Variants in PGGHG observed in about 807,000 individuals in gnomAD.
PGGHG encodes the protein protein-glucosylgalactosylhydroxylysine glucosidase, also known as ATH1, acid trehalase-like 1.
In PGGHG, 67 loss-of-function variants were observed where a neutral mutation model predicts 74.5. The observed-to-expected ratio is 0.90, with a 90% CI of 0.74 to 1.10. The LOEUF (loss-of-function observed/expected upper bound fraction) is 1.10. PGGHG is among the 50% of genes least tolerant of loss of function. The probability of loss-of-function intolerance (pLI) is 0.00; values close to 1 mark genes in which losing one functional copy is unlikely to be tolerated. For synonymous variants in PGGHG, 496 were observed against 419.9 expected, an observed-to-expected ratio of 1.18 and a Z score of -2.21; for missense variants, 1,034 against 981.5, an observed-to-expected ratio of 1.05 and a Z score of -0.72.
chr11:289,747 C>T lies in PGGHG; in HGVS notation c.-13-57C>T. ...GAGGCTTCAGGGGATTACAGACGGT[C>T]TCAAGAGGGAGGCCCAGCCAGTCCC... is the stretch of plus-strand genomic sequence containing the variant. On this transcript the variant is annotated intron_variant, in intron 1 of 13. Transcript: ENST00000409548. This position sits in a 1 kb window ranked among gnomAD's most constrained non-coding sequence, Gnocchi z 5.6. 1 of 1,494,804 alleles carries T rather than the reference C, an allele frequency of 6.7e-7. No homozygotes were observed. The highest frequency in any genetic ancestry group is 8.9e-7 in the Non-Finnish European group (1 of 1,119,542). The allele number at this position is 1,494,804 out of a possible 1,614,324, so 92.6% of individuals were successfully genotyped here. A position where few individuals can be genotyped will look rare whatever the true frequency, so the allele number is the denominator to read the frequency against.
At position 294,679 on chromosome 11, in the gene PGGHG, G is replaced by C; in HGVS notation, c.2144G>C (p.Ser715Thr). 1 of 1,613,538 alleles carries C rather than the reference G, an allele frequency of 6.2e-7. No homozygotes were observed. The highest frequency in any genetic ancestry group is 8.5e-7 in the Non-Finnish European group (1 of 1,179,934). ...TFSDVRDPLQSPLWVTLGSSS... is the reference protein window; with the variant it reads ...TFSDVRDPLQTPLWVTLGSSS... The stretch of plus-strand genomic sequence containing the variant: ...TCAGATGTTAGGGACCCGCTCCAGA[G>C]CCCCCTCTGGGTCACCCTGGGTTCC... Residue 715 changes from serine to threonine, a missense_variant, in exon 14 of 14, where the codon AGC becomes ACC. Physicochemically the swap from Ser to Thr is moderately conservative, Grantham distance 58. Transcript: ENST00000409548.
In PGGHG at chr11:294,132, G is replaced by A. The variant is rs752333035; in HGVS notation, c.1744G>A (p.Val582Met). The A allele has an allele frequency of 1.9e-6, 3 of 1,612,522 alleles. No homozygotes were observed. The highest frequency in any genetic ancestry group is 1.7e-5 in the Admixed American group (1 of 59,820). The change falls in exon 12 of 14, where the codon GTG becomes ATG. Residue 582 changes from valine (V) to methionine (M), a missense_variant. By Grantham distance (21) the Val-to-Met change is conservative. Transcript: ENST00000409548. ...WTENADGSGA[V>M]NFLTGMGGFL... ...GGAGAATGCAGACGGGTCAGGCGCT[G>A]TGAACTTCCTGACAGGCATGGGGGG...
rs12801980 is a variant in PGGHG at position 293,188 on chromosome 11, T to C, written c.1296T>C (p.His432=). ...LRGVMSPDEY[H]SGVNNSVYTN... Reference sequence around the variant, plus strand: ...GAGTCATGTCCCCCGACGAGTACCATTCAGGGGTCAACAACTCTGTGTACA... The same window carrying C: ...GAGTCATGTCCCCCGACGAGTACCACTCAGGGGTCAACAACTCTGTGTACA... The change falls in exon 8 of 14, where the codon CAT becomes CAC. Residue 432 remains histidine (H), a synonymous_variant. Transcript: ENST00000409548. 0.36 allele frequency: 585,378 copies of C among 1,613,424 alleles called. 108,474 individuals carry two copies. Among genetic ancestry groups the C allele is most frequent in the South Asian group, 0.5 (45,629 of 91,064 alleles).
At position 292,098 on chromosome 11, in the gene PGGHG, G is replaced by GAGGGGACCTGGGGCACTGGCCCGT. The variant is rs1164537039; in HGVS notation, c.1026+8_1026+31dup. 6.4e-7 allele frequency: 1 copy of GAGGGGACCTGGGGCACTGGCCCGT among 1,552,034 alleles called. No homozygotes were observed. Among genetic ancestry groups the GAGGGGACCTGGGGCACTGGCCCGT allele is most frequent in the Non-Finnish European group, 8.7e-7 (1 of 1,148,308 alleles). On this transcript the variant is annotated splice_donor_region_variant and intron_variant, in intron 5 of 13. Transcript: ENST00000409548. ...ACGCCCAGAACCTGGGCTACCAGGT[G>GAGGGGACCTGGGGCACTGGCCCGT]AGGGGACCTGGGGCACTGGCCCGTA...
intron 4 of PGGHG, 174 bp from the exon 5 acceptor site, chr11:291,802 G>A (rs1173004119): frequency 1.1e-6 from 1 of 949,282 alleles, no homozygotes; most frequent in Non-Finnish European, 1.5e-6. Flanking sequence ...AGGAGCGTCT[G>A]GGCTGGAGAC....
chr11:292,647 G>A lies in PGGHG; in HGVS notation c.1128G>A (p.Leu376=), dbSNP rs765879602. ...QEVHVNGAVV[L]AFELYYHTTQ... Reference sequence around the variant, plus strand: ...TCCACGTCAACGGGGCCGTGGTGTTGGCCTTCGAGCTGTACTACCATACCA... The same window carrying A: ...TCCACGTCAACGGGGCCGTGGTGTTAGCCTTCGAGCTGTACTACCATACCA... Residue 376 remains leucine (L), a synonymous_variant, in exon 6 of 14, where the codon TTG becomes TTA. Transcript: ENST00000409548. The A allele has an allele frequency of 1.9e-6, 3 of 1,613,670 alleles. No homozygotes were observed. Among genetic ancestry groups the A allele is most frequent in the East Asian group, 2.2e-5 (1 of 44,894 alleles).
Position 289,703 on chromosome 11 carries a change from A to G in PGGHG, c.-13-101A>G, listed in dbSNP as rs1303799825. 22 of 1,388,178 alleles carry G rather than the reference A, an allele frequency of 1.6e-5. No homozygotes were observed. In the East Asian group the frequency reaches 3.5e-4, roughly 22 times the overall value. 86.0% of individuals were successfully genotyped at this position (1,388,178 alleles called of 1,614,324 possible). A position where few individuals can be genotyped will look rare whatever the true frequency, so the allele number is the denominator to read the frequency against. Reference sequence around the variant, plus strand: ...TCGGGGCTGCCCAGCTGGTTCCGCAACTCCCCCCAGTTCTGAGGGAGGCTT... The same window carrying G: ...TCGGGGCTGCCCAGCTGGTTCCGCAGCTCCCCCCAGTTCTGAGGGAGGCTT... On this transcript the variant is annotated intron_variant, in intron 1 of 13. Transcript: ENST00000409548. The surrounding 1 kb of genome is among the most constrained non-coding windows in gnomAD (Gnocchi z 5.6).
chr11:293,455 T>C lies in PGGHG; in HGVS notation c.1433T>C (p.Phe478Ser). ...GTGGCTGACAAGATCAAGGTACCCT[T>C]TGACGTGGAGCAGAACTTCCACCCG... The part of the protein sequence containing the change: ...LAVADKIKVP[F>S]DVEQNFHPEF... The change falls in exon 9 of 14, where the codon TTT becomes TCT. Residue 478 changes from phenylalanine (F) to serine (S), a missense_variant. Phe to Ser is a radical substitution (Grantham distance 155). Transcript: ENST00000409548. 2 of 1,612,162 alleles carry C rather than the reference T, an allele frequency of 1.2e-6. No individual in the cohort carries two copies. The highest frequency in any genetic ancestry group is 1.7e-6 in the Non-Finnish European group (2 of 1,179,996).
chr11:292,860 C>T (rs1206723888), intron 6 of PGGHG, 26 bp from the exon 7 acceptor site: 5 of 1,613,546 alleles, frequency 3.1e-6, no homozygotes, highest in South Asian at 1.1e-5. Context: ...GGGGCCCTGG[C>T]CTCTGTGCCT....
chr11:292,626 C>A lies in PGGHG; in HGVS notation c.1107C>A (p.His369Gln). ...PEDIYGVQEV[H>Q]VNGAVVLAFE... ...ACATTTACGGAGTCCAGGAGGTCCA[C>A]GTCAACGGGGCCGTGGTGTTGGCCT... The change falls in exon 6 of 14, where the codon CAC becomes CAA. Residue 369 changes from histidine (H) to glutamine (Q), a missense_variant. His to Gln is a conservative substitution (Grantham distance 24, BLOSUM62 0). Coordinates refer to ENST00000409548, the MANE Select transcript of PGGHG (RefSeq NM_025092.5). 3 of 1,613,752 alleles carry A rather than the reference C, an allele frequency of 1.9e-6. No homozygotes were observed. Among genetic ancestry groups the A allele is most frequent in the Non-Finnish European group, 2.5e-6 (3 of 1,179,998 alleles).
chr11:294,158 C>T lies in PGGHG; in HGVS notation c.1770C>T (p.Gly590=). 6.2e-7 allele frequency: 1 copy of T among 1,612,728 alleles called. No homozygotes were observed. The highest frequency in any genetic ancestry group is 8.5e-7 in the Non-Finnish European group (1 of 1,179,390). ...GAVNFLTGMG[G]FLQAVVFGCT... ...TGAACTTCCTGACAGGCATGGGGGG[C>T]TTCCTGCAGGCGGTGGTCTTCGGGT... Residue 590 remains glycine, a synonymous_variant, in exon 12 of 14, where the codon GGC becomes GGT. Transcript: ENST00000409548.
chr11:292,112 C>A lies in PGGHG; in HGVS notation c.1026+17C>A. On this transcript the variant is annotated intron_variant, in intron 5 of 13. Transcript: ENST00000409548. The stretch of plus-strand genomic sequence containing the variant: ...GGCTACCAGGTGAGGGGACCTGGGG[C>A]ACTGGCCCGTAGGGCCCTGCAGGGC... 1 of 1,541,940 alleles carries A rather than the reference C, an allele frequency of 6.5e-7. No homozygotes were observed. The highest frequency in any genetic ancestry group is 8.7e-7 in the Non-Finnish European group (1 of 1,143,878).
At position 291,901 on chromosome 11, in the gene PGGHG, G is replaced by A. The variant is rs1411161407; in HGVS notation, c.907-75G>A. ...AAGACGCCAGCGATGGAGCTCTGCCGGGGCGGAATGTGGCCAGGAGGGGCG... is the reference window on the plus strand; with the variant it reads ...AAGACGCCAGCGATGGAGCTCTGCCAGGGCGGAATGTGGCCAGGAGGGGCG... On this transcript the variant is annotated intron_variant, in intron 4 of 13. Transcript: ENST00000409548. 3.8e-5 allele frequency: 58 copies of A among 1,512,100 alleles called. No homozygotes were observed. The Admixed American group carries it at 4.9e-4, about 13-fold the overall frequency. The allele number at this position is 1,512,100 out of a possible 1,614,324, so 93.7% of individuals were successfully genotyped here. A position where few individuals can be genotyped will look rare whatever the true frequency, so the allele number is the denominator to read the frequency against.
At chr11:290,234 C>A (rs1213950995) in intron 2 of PGGHG, among the ~76,000 whole-genome samples, 156 bp from the exon 3 acceptor site, 1 of 152,162 alleles carries the variant, frequency 6.6e-6, no homozygotes, top group East Asian at 1.9e-4. Flanking sequence ...CTTCCCTCCA[C>A]CTGGAGGCCT....
At position 292,947 on chromosome 11, in the gene PGGHG, G is replaced by A; in HGVS notation, c.1220G>A (p.Trp407Ter). 6.2e-7 allele frequency: 1 copy of A among 1,614,126 alleles called. No individual in the cohort carries two copies. The highest frequency in any genetic ancestry group is 1.1e-5 in the South Asian group (1 of 91,086). ...WDVVRAVAEFWCSRVEWSPRE... is the reference protein window; with the variant it reads ...WDVVRAVAEF ...GTGGTCAGGGCTGTGGCCGAGTTTTGGTGCAGTCGTGTTGAGTGGAGCCCC... is the reference window on the plus strand; with the variant it reads ...GTGGTCAGGGCTGTGGCCGAGTTTTAGTGCAGTCGTGTTGAGTGGAGCCCC... The change falls in exon 7 of 14, where the codon TGG becomes TAG. Residue 407 changes from tryptophan (W) to a stop codon, truncating the protein, a stop_gained. Coordinates refer to ENST00000409548, the MANE Select transcript of PGGHG (RefSeq NM_025092.5). LOFTEE classifies it high-confidence loss of function.
chr11:292,609 G>A lies in PGGHG; in HGVS notation c.1090G>A (p.Gly364Arg), dbSNP rs746935151. ...AGAGGTTTGCCCTGAGGACATTTAC[G>A]GAGTCCAGGAGGTCCACGTCAACGG... is the stretch of plus-strand genomic sequence containing the variant. Reference protein sequence around the residue: ...GLEVCPEDIYGVQEVHVNGAV... With the variant: ...GLEVCPEDIYRVQEVHVNGAV... Residue 364 changes from glycine (G) to arginine (R), a missense_variant, in exon 6 of 14, where the codon GGA becomes AGA. By Grantham distance (125) the Gly-to-Arg change is moderately radical (BLOSUM62 -2). Coordinates refer to ENST00000409548, the MANE Select transcript of PGGHG (RefSeq NM_025092.5). 73 of 1,613,596 alleles carry A rather than the reference G, an allele frequency of 4.5e-5. No individual in the cohort carries two copies. Among genetic ancestry groups the A allele is most frequent in the Admixed American group, 5.0e-5 (3 of 60,006 alleles).
At position 294,732 on chromosome 11, in the gene PGGHG, G is replaced by T; in HGVS notation, c.2197G>T (p.Asp733Tyr). ...SSSPTESLTVDPASE is the reference protein window; with the variant it reads ...SSSPTESLTVYPASE ...CAGCCCCACCGAGTCACTCACTGTG[G>T]ACCCTGCCTCTGAATAATCAGGAAC... Residue 733 changes from aspartate to tyrosine, a missense_variant, in exon 14 of 14, where the codon GAC (aspartate) becomes TAC (tyrosine). Asp to Tyr is a radical substitution (Grantham distance 160). Coordinates refer to ENST00000409548, the MANE Select transcript of PGGHG (RefSeq NM_025092.5). 1 of 1,602,254 alleles carries T rather than the reference G, an allele frequency of 6.2e-7. No homozygotes were observed. Among genetic ancestry groups the T allele is most frequent in the Non-Finnish European group, 8.5e-7 (1 of 1,173,358 alleles).
At position 293,716 on chromosome 11, in the gene PGGHG, G is replaced by T; in HGVS notation, c.1603G>T (p.Ala535Ser). 1.2e-6 allele frequency: 2 copies of T among 1,613,282 alleles called. No individual in the cohort carries two copies. The highest frequency in any genetic ancestry group is 8.5e-7 in the Non-Finnish European group (1 of 1,179,944). Residue 535 changes from alanine to serine, a missense_variant, in exon 10 of 14, where the codon GCC becomes TCC. By Grantham distance (99) the Ala-to-Ser change is moderately conservative. Transcript: ENST00000409548. ...GGCTGTGACGTCCCCCCAGGGCCCC[G>T]CCATGACCTGGGTGAGCACCCTGGG... ...YEAVTSPQGP[A>S]MTWSMFAVGW...
At position 292,053 on chromosome 11, in the gene PGGHG, G is replaced by C. The variant is rs773458119; in HGVS notation, c.984G>C (p.Thr328=). 35 of 1,590,074 alleles carry C rather than the reference G, an allele frequency of 2.2e-5. No individual in the cohort carries two copies. In the Admixed American group the frequency reaches 6.1e-4, roughly 28 times the overall value. ...ARAILEYRIR[T]LDGALENAQN... ...CCATCCTGGAGTACCGCATCCGCAC[G>C]CTGGACGGGGCCCTGGAGAACGCCC... The change falls in exon 5 of 14, where the codon ACG becomes ACC. Residue 328 remains threonine, a synonymous_variant. Coordinates refer to ENST00000409548, the MANE Select transcript of PGGHG (RefSeq NM_025092.5).
Sources: allele counts gnomAD v4.1 joint callset (sites outside exome capture counted in the v4.1 genomes callset), GRCh38; gene constraint gnomAD v4.1.1; non-coding constraint Gnocchi (gnomAD v3.1); transcripts MANE v1.5; gene names NCBI Gene and HGNC (gene_info 2026-07-23, HGNC 2026-07-21).